The following RCAN1 variants were observed in gnomAD, a reference collection of about 807,000 sequenced individuals.
RCAN1 encodes calcipressin-1.
RCAN1 carries 11 observed loss-of-function variants against 22.9 expected under a neutral mutation model. The observed-to-expected ratio is 0.48, with a 90% CI of 0.30 to 0.79. The LOEUF is 0.79. RCAN1 is among the 30% of genes least tolerant of loss of function. The probability of loss-of-function intolerance (pLI) is 0.06; values close to 1 mark genes in which losing one functional copy is unlikely to be tolerated. For missense variants in RCAN1, 291 were observed against 337.8 expected (o/e 0.86, Z 1.09); for synonymous variants, 136 against 142.3 (o/e 0.96, Z 0.32).
At chr21:34,536,344 C>T (rs1985670227) in intron 1 of RCAN1, among the ~76,000 whole-genome samples, 1 of 152,206 alleles carries the variant, frequency 6.6e-6, no homozygotes, top group Admixed American at 6.5e-5. Flanking sequence ...TGCTTTGATG[C>T]CATTCTCAGC....
At chr21:34,561,858 G>A (rs1044805532) in intron 1 of RCAN1, among the ~76,000 whole-genome samples, 1 of 152,190 alleles carries the variant, frequency 6.6e-6, no homozygotes, top group African/African-American at 2.4e-5. Context: ...GCTGGAGCAC[G>A]CTGGGCTGCT....
intron 1 of RCAN1, among the ~76,000 whole-genome samples, chr21:34,541,663 G>C (rs182738615): frequency 6.6e-6 from 1 of 152,218 alleles, no homozygotes; most frequent in African/African-American, 2.4e-5. Flanking sequence ...GGGCGGGAGC[G>C]ATGGCTCACG....
At chr21:34,560,062 C>A (rs1215277375) in intron 1 of RCAN1, 1 of 152,166 alleles carries the variant, frequency 6.6e-6, no homozygotes, top group East Asian at 1.9e-4. Context: ...ATTAAAAAAC[C>A]TTTCTCCCCC....
intron 1 of RCAN1, among the ~76,000 whole-genome samples, chr21:34,609,730 G>T (rs191831955): frequency 2.6e-5 from 4 of 152,272 alleles, no homozygotes; most frequent in Non-Finnish European, 5.9e-5. Context: ...TTTAAGTAAT[G>T]AAGGTGACAG....
rs1180774285 is a variant in RCAN1, at chr21:34,562,125, C to T, written c.253-38415G>A. ...CACTTCAAGAAAATCTGACTGAATG[C>T]TCCATGAATTCCATTATGAAGGCAT... On this transcript the variant is annotated intron_variant, in intron 1 of 3. Coordinates refer to ENST00000313806, the MANE Select transcript of RCAN1 (RefSeq NM_004414.7). 3.3e-5 allele frequency among the ~76,000 whole-genome samples: 5 copies of T among 152,338 alleles called. No homozygotes were observed. The East Asian group carries it at 5.8e-4, about 18-fold the overall frequency.
intron 1 of RCAN1, among the ~76,000 whole-genome samples, chr21:34,569,771 C>A (rs1987171044): frequency 1.3e-5 from 2 of 152,246 alleles, no homozygotes; most frequent in South Asian, 2.1e-4. Flanking sequence ...TATCTTGGCT[C>A]TGAGGTAGGT....
chr21:34,525,113 T>C (rs1246365808), intron 1 of RCAN1: 6 of 1,550,506 alleles, frequency 3.9e-6, no homozygotes, highest in Non-Finnish European at 5.2e-6. Flanking sequence ...GAAGGCGCAG[T>C]GTCTCTGCAG....
chr21:34,545,416 G>A (rs1182214125), intron 1 of RCAN1, among the ~76,000 whole-genome samples: 2 of 152,184 alleles, frequency 1.3e-5, no homozygotes, highest in East Asian at 1.9e-4. Flanking sequence ...ACTAAGAAAG[G>A]CATCTCAGAA....
intron 1 of RCAN1, among the ~76,000 whole-genome samples, chr21:34,561,200 T>A (rs1464504378): frequency 2.6e-5 from 4 of 152,168 alleles, no homozygotes; most frequent in African/African-American, 9.7e-5. Context: ...CAATTAAACC[T>A]CTTTCCTTTA....
At chr21:34,525,142 A>G in intron 1 of RCAN1, 1 of 1,550,554 alleles carries the variant, frequency 6.4e-7, no homozygotes. Flanking sequence ...AGGATTCAGG[A>G]TAAGAGAGGA....
At chr21:34,548,432 A>C (rs1986229225) in intron 1 of RCAN1, among the ~76,000 whole-genome samples, 1 of 152,196 alleles carries the variant, frequency 6.6e-6, no homozygotes, top group African/African-American at 2.4e-5. Context: ...TGATTTCTGC[A>C]AAAGCTCTTC....
intron 1 of RCAN1, among the ~76,000 whole-genome samples, chr21:34,530,336 T>C (rs1334139464): frequency 6.6e-6 from 1 of 152,202 alleles, no homozygotes. Context: ...TGAGGAAAAA[T>C]TAAGGTTTAT....
At chr21:34,525,206 G>A in intron 1 of RCAN1, 2 of 1,550,644 alleles carry the variant, frequency 1.3e-6, no homozygotes, top group Non-Finnish European at 1.7e-6. Context: ...ACTGGTGGAT[G>A]CCTGCTCCAC....
intron 1 of RCAN1, chr21:34,526,826 G>A: frequency 6.5e-7 from 1 of 1,537,252 alleles, no homozygotes; most frequent in African/African-American, 1.4e-5. Flanking sequence ...AGAGGCTGTA[G>A]GTTCCTTCTT....
At chr21:34,561,584 T>C (rs974078370) in intron 1 of RCAN1, among the ~76,000 whole-genome samples, 1 of 152,204 alleles carries the variant, frequency 6.6e-6, no homozygotes. Context: ...CTAGTTTTGC[T>C]TGGCTGGTCT....
chr21:34,534,208 T>A (rs1003728957), intron 1 of RCAN1, among the ~76,000 whole-genome samples: 4 of 384 alleles, frequency 0.01, no homozygotes, highest in Middle Eastern at 0.17. Flanking sequence ...GGGAGCTTCT[T>A]CTCCAACCAG....
intron 1 of RCAN1, among the ~76,000 whole-genome samples, chr21:34,600,488 G>T (rs1988298458): frequency 6.6e-6 from 1 of 152,118 alleles, no homozygotes; most frequent in Non-Finnish European, 1.5e-5. Flanking sequence ...AGAGAAGGGA[G>T]AAAGGAGGGG....
chr21:34,567,042 A>T (rs1987036443), intron 1 of RCAN1, among the ~76,000 whole-genome samples: 1 of 152,188 alleles, frequency 6.6e-6, no homozygotes, highest in Non-Finnish European at 1.5e-5. Context: ...CATCCAAACT[A>T]CACCAGCTTT....
intron 1 of RCAN1, among the ~76,000 whole-genome samples, chr21:34,569,083 G>C (rs1388154333): frequency 6.6e-6 from 1 of 152,182 alleles, no homozygotes; most frequent in Non-Finnish European, 1.5e-5. Context: ...CTCCCACCAG[G>C]TCCCTCCCAC....
Sources: allele counts gnomAD v4.1 joint callset (sites outside exome capture counted in the v4.1 genomes callset), GRCh38; gene constraint gnomAD v4.1.1; transcripts MANE v1.5; gene names NCBI Gene and HGNC (gene_info 2026-07-23, HGNC 2026-07-21).